The following MORF4L1 variants were observed in gnomAD, a reference collection of about 807,000 sequenced individuals.
MORF4L1 encodes mortality factor 4 like 1, also known as mortality factor 4-like protein 1.
A neutral mutation model predicts 52.9 loss-of-function variants in MORF4L1; 4 were observed. The ratio of observed to expected loss-of-function variants is 0.08; its 90% CI spans 0.04 to 0.17. MORF4L1 has a LOEUF of 0.17. MORF4L1 is among the 10% of genes least tolerant of loss of function. MORF4L1 has a pLI of 1.00. For synonymous variants in MORF4L1, 123 were observed against 134.8 expected (o/e 0.91, Z 0.61); for missense variants, 214 against 390.4 (o/e 0.55, Z 3.81).
intron 5 of MORF4L1, chr15:78,890,498 G>A (rs1417348713): frequency 1.5e-5 from 2 of 134,054 alleles, no homozygotes; most frequent in African/African-American, 5.6e-5. Flanking sequence ...TTTTTTTTTT[G>A]TCTTTGAGAC....
intron 5 of MORF4L1, among the ~76,000 whole-genome samples, chr15:78,890,109 A>G (rs796971090): frequency 1.8e-4 from 28 of 152,246 alleles, no homozygotes; most frequent in African/African-American, 6.3e-4. Context: ...GGTCCCAGCT[A>G]CTTGGAAGGC....
In MORF4L1 at chr15:78,891,502, G is replaced by A; in HGVS notation, c.368G>A (p.Gly123Asp). 1.2e-6 allele frequency: 2 copies of A among 1,614,002 alleles called. No individual in the cohort carries two copies. Among genetic ancestry groups the A allele is most frequent in the Non-Finnish European group, 1.7e-6 (2 of 1,179,934 alleles). The change falls in exon 7 of 12, where the codon GGT (glycine) becomes GAT (aspartate). Residue 123 changes from glycine (G) to aspartate (D), a missense_variant. This residue lies in a region of MORF4L1 where 84 missense variants were observed against 116.3 expected (regional missense o/e 0.72). Coordinates refer to ENST00000426013, the MANE Select transcript of MORF4L1 (RefSeq NM_006791.4). ...NKQKTPGNGD[G>D]GSTSETPQPP... ...TTTACAGCACCTGGAAATGGAGATG[G>A]TGGCAGTACCAGTGAGACCCCTCAG...
chr15:78,892,421 T>C (rs755189269), intron 8 of MORF4L1, 108 bp downstream of exon 8: 18 of 626,956 alleles, frequency 2.9e-5, no homozygotes, highest in Non-Finnish European at 4.7e-5. Flanking sequence ...AAGGTATGAC[T>C]GATAAAATAA....
chr15:78,886,005 A>C, intron 3 of MORF4L1, 136 bp from the exon 4 acceptor site: 1 of 654,340 alleles, frequency 1.5e-6, no homozygotes, highest in Non-Finnish European at 2.7e-6. Flanking sequence ...TTAGATCTTC[A>C]TTTTAGTTGA....
intron 4 of MORF4L1, 120 bp from the exon 5 acceptor site, chr15:78,887,149 C>T: frequency 3.9e-6 from 3 of 766,390 alleles, no homozygotes; most frequent in South Asian, 1.7e-5. Flanking sequence ...TATCTCTGTC[C>T]AACTTGTTAA....
chr15:78,894,789 T>A, intron 10 of MORF4L1, 31 bp from the exon 11 acceptor site: 2 of 1,535,940 alleles, frequency 1.3e-6, no homozygotes, highest in Non-Finnish European at 1.8e-6. Flanking sequence ...GCCTTGGATG[T>A]AACTTTGGAT....
intron 1 of MORF4L1, 123 bp from the exon 2 acceptor site, chr15:78,878,090 C>A: frequency 1.1e-6 from 1 of 895,056 alleles, no homozygotes; most frequent in Non-Finnish European, 1.7e-6. Context: ...GCTCTGTATA[C>A]CCGTCCTCAT....
intron 3 of MORF4L1, among the ~76,000 whole-genome samples, chr15:78,884,660 TACAC>T (rs67970418): frequency 0.016 from 2,107 of 130,654 alleles, 81 homozygotes; most frequent in African/African-American, 0.059. Context: ...AAAAAAAAAA[TACAC>T]ACACACACAC....
chr15:78,881,442 C>T (rs759285267), intron 3 of MORF4L1, among the ~76,000 whole-genome samples: 64 of 152,054 alleles, frequency 4.2e-4, no homozygotes, highest in Non-Finnish European at 7.5e-4. Context: ...GTGATCCACC[C>T]GCCTCGGCCT....
rs1486866220 is a variant in MORF4L1 at position 78,894,902 on chromosome 15, A to G, written c.885A>G (p.Leu295=). 1.9e-6 allele frequency: 3 copies of G among 1,609,948 alleles called. No homozygotes were observed. Among genetic ancestry groups the G allele is most frequent in the Admixed American group, 1.7e-5 (1 of 59,986 alleles). ...TACTCAATTATCTTCACGATTTCCT[A>G]AAGTAAGTCTGTGCTTGAAATTATA... The part of the protein sequence containing the change: ...ALLLNYLHDF[L]KYLAKNSATL... The change falls in exon 11 of 12, where the codon CTA becomes CTG. Residue 295 remains leucine, a splice_region_variant and synonymous_variant. Transcript: ENST00000426013.
At chr15:78,880,488 T>A in intron 2 of MORF4L1, 24 bp from the exon 3 acceptor site, 1 of 1,552,830 alleles carries the variant, frequency 6.4e-7, no homozygotes, top group Admixed American at 1.8e-5. Context: ...CTAAGTGAAT[T>A]ATTATTTTTT....
intron 8 of MORF4L1, 121 bp downstream of exon 8, chr15:78,892,434 T>A (rs2056816905): frequency 1.7e-6 from 1 of 590,180 alleles, no homozygotes; most frequent in African/African-American, 1.9e-5. Context: ...TAAAATAATA[T>A]TTTAATTTAG....
At chr15:78,877,230 C>T (rs1391905475) in intron 1 of MORF4L1, among the ~76,000 whole-genome samples, 3 of 151,200 alleles carry the variant, frequency 2.0e-5, no homozygotes, top group African/African-American at 7.3e-5. Context: ...AAGCGATTCT[C>T]GTGCCTCAGC....
rs2056901598 is a variant in MORF4L1, at chr15:78,896,971, T to C, written c.888-12T>C. ...CCTTTAAAAATTTTTGTAATGAATA[T>C]TTTATTTTTAGGTACCTGGCAAAGA... On this transcript the variant is annotated splice_polypyrimidine_tract_variant and intron_variant, in intron 11 of 11. Coordinates refer to ENST00000426013, the MANE Select transcript of MORF4L1 (RefSeq NM_006791.4). 3 of 1,610,622 alleles carry C rather than the reference T, an allele frequency of 1.9e-6. No homozygotes were observed. The African/African-American group carries it at 4.0e-5, about 22-fold the overall frequency.
chr15:78,873,152 G>C (rs993691199), intron 1 of MORF4L1, 95 bp downstream of exon 1: 2 of 1,539,484 alleles, frequency 1.3e-6, no homozygotes, highest in East Asian at 2.5e-5. Flanking sequence ...GGCGGCGCGG[G>C]CTGCGCCCTG....
intron 3 of MORF4L1, among the ~76,000 whole-genome samples, chr15:78,882,104 G>A (rs1596242983): frequency 6.6e-6 from 1 of 152,192 alleles, no homozygotes; most frequent in Admixed American, 6.5e-5. Flanking sequence ...AATCTGAAAT[G>A]CATAGAAGTG....
chr15:78,892,130 G>A (rs1418382946), intron 7 of MORF4L1, 82 bp from the exon 8 acceptor site: 1 of 817,868 alleles, frequency 1.2e-6, no homozygotes, highest in East Asian at 2.7e-5. Context: ...TATCCCTAGT[G>A]CCTCTAAAAG....
intron 1 of MORF4L1, chr15:78,877,969 T>A: frequency 2.5e-6 from 1 of 398,532 alleles, no homozygotes; most frequent in South Asian, 5.9e-5. Flanking sequence ...AGGTGATAGA[T>A]GATTTGATTA....
At chr15:78,893,917 G>A in intron 9 of MORF4L1, 141 bp from the exon 10 acceptor site, 1 of 765,050 alleles carries the variant, frequency 1.3e-6, no homozygotes, top group South Asian at 2.0e-5. Context: ...GTCAAACCCT[G>A]CTTTCATATG....
Sources: gnomAD v4.1 joint callset for allele counts (sites outside exome capture counted in the v4.1 genomes callset) on GRCh38, gnomAD v4.1.1 for gene constraint, gnomAD v4.1.1 regional missense constraint, MANE v1.5 for transcripts, NCBI Gene and HGNC (gene_info 2026-07-23, HGNC 2026-07-21) for gene names.